The following AUTS2 variants were observed in gnomAD, a reference collection of about 807,000 sequenced individuals.
AUTS2 encodes activator of transcription and developmental regulator AUTS2, also known as autism susceptibility gene 2 protein.
Under a neutral mutation model 112.4 loss-of-function variants are expected in AUTS2, and 17 were observed. That is an observed-to-expected ratio of 0.15 (90% CI 0.10 to 0.23). The LOEUF (loss-of-function observed/expected upper bound fraction) is 0.23. Among genes scored for constraint, AUTS2 ranks in the 10% least tolerant of loss-of-function variants. The probability of loss-of-function intolerance (pLI) is 1.00; values close to 1 mark genes in which losing one functional copy is unlikely to be tolerated. For synonymous variants in AUTS2, 751 were observed against 702.7 expected (o/e 1.07, Z -1.09); for missense variants, 1,510 against 1,701.6 (o/e 0.89, Z 1.98).
At chr7:70,633,205 C>T (rs1258029147) in intron 5 of AUTS2, among the ~76,000 whole-genome samples, 1 of 152,140 alleles carries the variant, frequency 6.6e-6, no homozygotes, top group Non-Finnish European at 1.5e-5. Context: ...GCGAGGGTCC[C>T]CCCACCTCTT....
At chr7:69,826,405 T>A (rs1205473536) in intron 1 of AUTS2, among the ~76,000 whole-genome samples, 2 of 152,224 alleles carry the variant, frequency 1.3e-5, no homozygotes, top group Admixed American at 6.5e-5. Flanking sequence ...TGTAAATCCC[T>A]TCAGTACACT....
intron 4 of AUTS2, among the ~76,000 whole-genome samples, chr7:70,324,722 C>T (rs996559151): frequency 6.6e-6 from 1 of 152,160 alleles, no homozygotes; most frequent in Admixed American, 6.5e-5. Flanking sequence ...AAGTCATACT[C>T]GACACTGAAA....
At chr7:69,658,207 A>G (rs963117692) in intron 1 of AUTS2, among the ~76,000 whole-genome samples, 2 of 152,286 alleles carry the variant, frequency 1.3e-5, no homozygotes, top group African/African-American at 4.8e-5. Context: ...CAGAAACCAT[A>G]TGGCCTGAAT....
chr7:70,754,594 A>G lies in AUTS2; in HGVS notation c.743-8276A>G, dbSNP rs150425846. 2.6e-5 allele frequency among the ~76,000 whole-genome samples: 4 copies of G among 152,344 alleles called. No individual in the cohort carries two copies. In the East Asian group the frequency reaches 7.7e-4, roughly 29 times the overall value. On this transcript the variant is annotated intron_variant, in intron 6 of 18. Coordinates refer to ENST00000342771, the MANE Select transcript of AUTS2 (RefSeq NM_015570.4). ...TCTCTGGGATTGCCAGTGTTTAAAC[A>G]TTTCAGTCCCTTATTAATGTTCGCA...
At chr7:70,232,823 T>TTA (rs1812128627) in intron 4 of AUTS2, among the ~76,000 whole-genome samples, 1 of 152,232 alleles carries the variant, frequency 6.6e-6, no homozygotes, top group African/African-American at 2.4e-5. Flanking sequence ...CAAAGGCCTG[T>TTA]ATTTAATAAT....
rs934848817 is a variant in AUTS2, at chr7:69,720,981, T to C, written c.309+121019T>C. Among the ~76,000 whole-genome samples, 9 of 152,146 alleles carry C rather than the reference T, an allele frequency of 5.9e-5. No individual in the cohort carries two copies. The East Asian group carries it at 1.7e-3, about 29-fold the overall frequency. ...AAGATTGAGAAGCTAAGAAAAGACT[T>C]ACACAGCAGCAAAAAGAAGAAGAGA... On this transcript the variant is annotated intron_variant, in intron 1 of 18. Coordinates refer to ENST00000342771, the MANE Select transcript of AUTS2 (RefSeq NM_015570.4).
At chr7:70,728,616 G>GA (rs1431514237) in intron 6 of AUTS2, among the ~76,000 whole-genome samples, 1 of 148,866 alleles carries the variant, frequency 6.7e-6, no homozygotes, top group East Asian at 2.0e-4. Flanking sequence ...GCTAAGGCGG[G>GA]AAAATCACTT....
At chr7:69,870,256 G>A (rs754271689) in intron 1 of AUTS2, among the ~76,000 whole-genome samples, 22 of 151,260 alleles carry the variant, frequency 1.5e-4, no homozygotes, top group African/African-American at 3.4e-4. Context: ...TAGTAAGACC[G>A]GGGGAATTTG....
intron 5 of AUTS2, among the ~76,000 whole-genome samples, chr7:70,661,454 G>T (rs62456809): frequency 0.16 from 24,621 of 152,136 alleles, 2,162 homozygotes; most frequent in Middle Eastern, 0.25. Context: ...TGGGAGGAGG[G>T]TGGCAGTGTG....
chr7:70,576,659 C>T (rs1410403949), intron 5 of AUTS2, among the ~76,000 whole-genome samples: 1 of 152,138 alleles, frequency 6.6e-6, no homozygotes, highest in Non-Finnish European at 1.5e-5. Flanking sequence ...CCAAACTTCA[C>T]TTAGAGGAAC....
intron 4 of AUTS2, among the ~76,000 whole-genome samples, chr7:70,423,213 C>G (rs1795297192): frequency 6.6e-6 from 1 of 152,194 alleles, no homozygotes; most frequent in South Asian, 2.1e-4. Flanking sequence ...TATATTCTCT[C>G]AGCAAATCCC....
intron 4 of AUTS2, among the ~76,000 whole-genome samples, chr7:70,350,633 G>A (rs1035975728): frequency 2.0e-5 from 3 of 152,092 alleles, no homozygotes; most frequent in Admixed American, 6.5e-5. Flanking sequence ...ATGACACATG[G>A]GAGCTACAAT....
At chr7:70,670,627 CAT>C (rs1807586036) in intron 5 of AUTS2, among the ~76,000 whole-genome samples, 1 of 151,804 alleles carries the variant, frequency 6.6e-6, no homozygotes, top group Non-Finnish European at 1.5e-5. Flanking sequence ...CCAGGGCAGA[CAT>C]AGTTTATCCT....
chr7:70,258,081 A>G (rs931435831), intron 4 of AUTS2, among the ~76,000 whole-genome samples: 1 of 152,178 alleles, frequency 6.6e-6, no homozygotes, highest in Non-Finnish European at 1.5e-5. Context: ...ATTCTGCTCT[A>G]ATTTGACTGC....
At chr7:70,467,805 G>C (rs1448072199) in intron 5 of AUTS2, among the ~76,000 whole-genome samples, 2 of 152,192 alleles carry the variant, frequency 1.3e-5, no homozygotes, top group Admixed American at 1.3e-4. Flanking sequence ...CTGCTAGAGG[G>C]ACTGTGGTCC....
rs183347382 is a variant in AUTS2 at position 70,160,189 on chromosome 7, T to C, written c.660+25618T>C. ...TTTACAAGAGGATTTAATAACTTAA[T>C]AGAGTATGTTATAGTAATGAGTTGG... On this transcript the variant is annotated intron_variant, in intron 4 of 18. Coordinates refer to ENST00000342771, the MANE Select transcript of AUTS2 (RefSeq NM_015570.4). Among the ~76,000 whole-genome samples, 4 of 152,276 alleles carry C rather than the reference T, an allele frequency of 2.6e-5. No individual in the cohort carries two copies. The East Asian group carries it at 7.7e-4, about 29-fold the overall frequency.
intron 2 of AUTS2, among the ~76,000 whole-genome samples, chr7:69,978,814 C>A (rs1318714249): frequency 6.6e-6 from 1 of 150,482 alleles, no homozygotes; most frequent in Non-Finnish European, 1.5e-5. Context: ...CCTCTGTATT[C>A]CAGCCTGGAC....
chr7:70,603,811 C>T (rs2129530318), intron 5 of AUTS2, among the ~76,000 whole-genome samples: 1 of 152,268 alleles, frequency 6.6e-6, no homozygotes, highest in African/African-American at 2.4e-5. Flanking sequence ...AAGAAATATG[C>T]ATTTCGTGAT....
chr7:69,695,129 C>G (rs941213928), intron 1 of AUTS2, among the ~76,000 whole-genome samples: 2 of 151,862 alleles, frequency 1.3e-5, no homozygotes, highest in Non-Finnish European at 2.9e-5. Flanking sequence ...TTGAGATCAG[C>G]TTGGGAAACA....
Sources: allele counts gnomAD v4.1 joint callset (sites outside exome capture counted in the v4.1 genomes callset), GRCh38; gene constraint gnomAD v4.1.1; transcripts MANE v1.5; gene names NCBI Gene and HGNC (gene_info 2026-07-23, HGNC 2026-07-21).